Variants in TBL3 observed in about 807,000 individuals in gnomAD.
TBL3 encodes the protein transducin beta-like protein 3.
TBL3 carries 71 observed loss-of-function variants against 102.7 expected under a neutral mutation model. The observed-to-expected ratio is 0.69, with a 90% CI of 0.57 to 0.84. The LOEUF (loss-of-function observed/expected upper bound fraction) is 0.84. TBL3 is among the 40% of genes least tolerant of loss of function. TBL3 has a pLI of 0.00. For missense variants in TBL3, 1,188 were observed against 1,098.5 expected (o/e 1.08, Z -1.15); for synonymous variants, 578 against 477.7 (o/e 1.21, Z -2.74).
At chr16:1,976,158 G>C in intron 12 of TBL3, 44 bp downstream of exon 12, 1 of 1,613,848 alleles carries the variant, frequency 6.2e-7, no homozygotes, top group Non-Finnish European at 8.5e-7. Flanking sequence ...CAGGCGGGGA[G>C]GCCACGCAGT....
chr16:1,980,397 A>T lies in TBL3; in HGVS notation c.*1712A>T. On this transcript the variant is annotated 3_prime_UTR_variant, in exon 22 of 22. Transcript: ENST00000568546. Reference sequence around the variant, plus strand: ...GGGTGGCAGCGCGGGCTCCAGGTCCAGGGGTTGCGGTGCGAAGAAGCCAGT... The same window carrying T: ...GGGTGGCAGCGCGGGCTCCAGGTCCTGGGGTTGCGGTGCGAAGAAGCCAGT... 2 of 1,602,886 alleles carry T rather than the reference A, an allele frequency of 1.2e-6. No homozygotes were observed. Among genetic ancestry groups the T allele is most frequent in the Non-Finnish European group, 1.7e-6 (2 of 1,179,734 alleles).
intron 7 of TBL3, 24 bp from the exon 8 acceptor site, chr16:1,975,163 C>T: frequency 6.2e-7 from 1 of 1,613,734 alleles, no homozygotes; most frequent in Non-Finnish European, 8.5e-7. Context: ...AAGACTTGAC[C>T]TGAGGTTGCC....
rs759971058 is a variant in TBL3 at position 1,980,122 on chromosome 16, G to A, written c.*1437G>A. On this transcript the variant is annotated 3_prime_UTR_variant, in exon 22 of 22. Transcript: ENST00000568546. ...GCTCTGAGCCTCCAGACTGTGGATG[G>A]AGAGGCGGCCCGCAGCGCGAGAAAG... 1.2e-5 allele frequency: 20 copies of A among 1,608,080 alleles called. No individual in the cohort carries two copies. The highest frequency in any genetic ancestry group is 1.7e-5 in the Non-Finnish European group (20 of 1,178,910).
chr16:1,980,229 T>G lies in TBL3; in HGVS notation c.*1544T>G, dbSNP rs1446776243. 5 of 1,546,148 alleles carry G rather than the reference T, an allele frequency of 3.2e-6. No individual in the cohort carries two copies. The highest frequency in any genetic ancestry group is 1.2e-5 in the South Asian group (1 of 84,946). On this transcript the variant is annotated 3_prime_UTR_variant, in exon 22 of 22. Transcript: ENST00000568546. ...GTGAGAGGTAGGCGGATGGGGAGGGTGAAACTGGGGGCGCCACCCCGGCAA... is the reference window on the plus strand; with the variant it reads ...GTGAGAGGTAGGCGGATGGGGAGGGGGAAACTGGGGGCGCCACCCCGGCAA...
In TBL3 at chr16:1,979,800, T is replaced by G. The variant is rs1014583031; in HGVS notation, c.*1115T>G. ...GGGTTAGGCGCATACCGCTGCTCCC[T>G]AGGGACGGGCCTCCCTCCCGGCCTT... is the stretch of plus-strand genomic sequence containing the variant. On this transcript the variant is annotated 3_prime_UTR_variant, in exon 22 of 22. Transcript: ENST00000568546. 17 of 1,554,262 alleles carry G rather than the reference T, an allele frequency of 1.1e-5. No homozygotes were observed. The African/African-American group carries it at 2.3e-4, about 21-fold the overall frequency.
rs1159849725 is a variant in TBL3 at position 1,980,275 on chromosome 16, C to G, written c.*1590C>G. 1 of 1,517,128 alleles carries G rather than the reference C, an allele frequency of 6.6e-7. No individual in the cohort carries two copies. The highest frequency in any genetic ancestry group is 8.8e-7 in the Non-Finnish European group (1 of 1,131,272). The allele number at this position is 1,517,128 out of a possible 1,614,324, so 94.0% of individuals were successfully genotyped here. A position where few individuals can be genotyped will look rare whatever the true frequency, so the allele number is the denominator to read the frequency against. ...GGCAAGACCGCCAGCCTCCCACTCT[C>G]TGCCCCTATTCGCTGGCTGTTCCCC... On this transcript the variant is annotated 3_prime_UTR_variant, in exon 22 of 22. Transcript: ENST00000568546.
At position 1,979,837 on chromosome 16, in the gene TBL3, G is replaced by C. The variant is rs759145419; in HGVS notation, c.*1152G>C. On this transcript the variant is annotated 3_prime_UTR_variant, in exon 22 of 22. Transcript: ENST00000568546. ...TCCCTCCCGGCCTTGGCCCGGGGCC[G>C]CCTCCTCCAGGTAGGGCGCTGGAAA... The C allele has an allele frequency of 6.3e-7, 1 of 1,575,780 alleles. No homozygotes were observed. The highest frequency in any genetic ancestry group is 2.4e-5 in the East Asian group (1 of 42,456).
chr16:1,974,652 G>A lies in TBL3; in HGVS notation c.352G>A (p.Asp118Asn), dbSNP rs746763095. The change falls in exon 5 of 22, where the codon GAC becomes AAC. Residue 118 changes from aspartate to asparagine, a missense_variant. Transcript: ENST00000568546. ...HTAPVATMAF[D>N]PTSTLLATGG... ...GGCCCCCGTGGCCACCATGGCCTTC[G>A]ACCCCACCTCCACTCTGCTAGCCAC... The A allele has an allele frequency of 1.6e-5, 26 of 1,608,666 alleles. No homozygotes were observed. The highest frequency in any genetic ancestry group is 4.0e-5 in the African/African-American group (3 of 74,862).
chr16:1,974,742 C>T (rs2083385947), intron 5 of TBL3, 21 bp from the exon 6 acceptor site: 1 of 1,611,994 alleles, frequency 6.2e-7, no homozygotes, highest in African/African-American at 1.3e-5. Flanking sequence ...CATTCCACCC[C>T]CTCACCTTGC....
In TBL3 at chr16:1,974,049, C is replaced by T; in HGVS notation, c.42-7C>T. 1 of 1,555,506 alleles carries T rather than the reference C, an allele frequency of 6.4e-7. No homozygotes were observed. Among genetic ancestry groups the T allele is most frequent in the South Asian group, 1.2e-5 (1 of 84,370 alleles). ...TGGTGCTCATTCGCCTCCCGCTCTCCTTCCAGCTATGCTGTGGAGCGCAAA... is the reference window on the plus strand; with the variant it reads ...TGGTGCTCATTCGCCTCCCGCTCTCTTTCCAGCTATGCTGTGGAGCGCAAA... On this transcript the variant is annotated splice_region_variant and splice_polypyrimidine_tract_variant and intron_variant, in intron 1 of 21. Transcript: ENST00000568546.
rs1004237492 is a variant in TBL3 at position 1,978,338 on chromosome 16, G to A, written c.2160G>A (p.Thr720=). ...AGGCCCTGCTGCGCTTCTGCGTCAC[G>A]TGGAACACCAACTCGCGGCACTGCC... ...QKEALLRFCV[T]WNTNSRHCHE... Residue 720 remains threonine (T), a synonymous_variant, in exon 21 of 22, where the codon ACG becomes ACA. Transcript: ENST00000568546. The A allele has an allele frequency of 3.7e-6, 6 of 1,610,530 alleles. No individual in the cohort carries two copies. Among genetic ancestry groups the A allele is most frequent in the East Asian group, 2.2e-5 (1 of 44,824 alleles).
chr16:1,981,433 A>C lies in TBL3; in HGVS notation c.*2748A>C. The C allele has an allele frequency of 3.4e-6, 3 of 892,182 alleles. No homozygotes were observed. Among genetic ancestry groups the C allele is most frequent in the Non-Finnish European group, 4.9e-6 (3 of 614,298 alleles). The allele number at this position is 892,182 out of a possible 1,614,324, so 55.3% of individuals were successfully genotyped here. On this transcript the variant is annotated 3_prime_UTR_variant, in exon 22 of 22. Transcript: ENST00000568546. The stretch of plus-strand genomic sequence containing the variant: ...AGGCAGAGCTGCTGGGAGGAAGAAG[A>C]AGAATGAGCTTTCCAGCCCTGGAGG...
chr16:1,980,355 C>T lies in TBL3; in HGVS notation c.*1670C>T. On this transcript the variant is annotated 3_prime_UTR_variant, in exon 22 of 22. Transcript: ENST00000568546. ...GCCGCTGCATGCTGGGAGTTTGGGGCGAGTCAGGCACCTGCCGGGTGGCAG... is the reference window on the plus strand; with the variant it reads ...GCCGCTGCATGCTGGGAGTTTGGGGTGAGTCAGGCACCTGCCGGGTGGCAG... The T allele has an allele frequency of 1.9e-6, 3 of 1,595,624 alleles. No individual in the cohort carries two copies. Among genetic ancestry groups the T allele is most frequent in the Non-Finnish European group, 2.5e-6 (3 of 1,176,556 alleles).
Position 1,976,087 on chromosome 16 carries a change from G to C in TBL3, c.1161G>C (p.Lys387Asn), listed in dbSNP as rs761872179. Reference protein sequence around the residue: ...DIVLALDVFRKGWLFASCAKD... With the variant: ...DIVLALDVFRNGWLFASCAKD... ...TCCTGGCCCTGGATGTGTTCCGGAA[G>C]GGGTGGCTCTTTGCCAGCTGTGCCA... is the stretch of plus-strand genomic sequence containing the variant. Residue 387 changes from lysine to asparagine, a missense_variant, in exon 12 of 22, where the codon AAG (lysine) becomes AAC (asparagine). Transcript: ENST00000568546. The C allele has an allele frequency of 1.9e-6, 3 of 1,614,204 alleles. No homozygotes were observed. The highest frequency in any genetic ancestry group is 2.5e-6 in the Non-Finnish European group (3 of 1,180,052).
chr16:1,974,155 G>A (rs781236489), intron 2 of TBL3, 42 bp from the exon 3 acceptor site: 4 of 1,565,016 alleles, frequency 2.6e-6, no homozygotes, highest in Middle Eastern at 1.7e-4. Context: ...GAGGCCGCGG[G>A]GGGTGCTGAA....
At position 1,978,435 on chromosome 16, in the gene TBL3, G is replaced by A. The variant is rs748724773; in HGVS notation, c.2257G>A (p.Val753Met). ...CGAGGAGCTGCTGGCCTACGAAGGCGTGCGGGCAGCGCTTGAGGCCCTGCT... is the reference window on the plus strand; with the variant it reads ...CGAGGAGCTGCTGGCCTACGAAGGCATGCGGGCAGCGCTTGAGGCCCTGCT... Reference protein sequence around the residue: ...APEELLAYEGVRAALEALLPY... With the variant: ...APEELLAYEGMRAALEALLPY... Residue 753 changes from valine (V) to methionine (M), a missense_variant, in exon 21 of 22, where the codon GTG (valine) becomes ATG (methionine). Transcript: ENST00000568546. 5.0e-6 allele frequency: 8 copies of A among 1,609,908 alleles called. No homozygotes were observed. The highest frequency in any genetic ancestry group is 2.2e-5 in the East Asian group (1 of 44,804).
Position 1,977,336 on chromosome 16 carries a change from C to G in TBL3, c.1672-20C>G, listed in dbSNP as rs2083411318. ...CTTCCCGCCCTGGTGACATCTCATG[C>G]CCTACCCCCCACCTTGCAGACATTT... On this transcript the variant is annotated intron_variant, in intron 15 of 21. Transcript: ENST00000568546. 6.2e-7 allele frequency: 1 copy of G among 1,613,368 alleles called. No individual in the cohort carries two copies. The highest frequency in any genetic ancestry group is 8.5e-7 in the Non-Finnish European group (1 of 1,179,990).
rs771342957 is a variant in TBL3, at chr16:1,978,400, G to T, written c.2222G>T (p.Arg741Leu). 6.2e-7 allele frequency: 1 copy of T among 1,611,548 alleles called. No individual in the cohort carries two copies. The highest frequency in any genetic ancestry group is 8.5e-7 in the Non-Finnish European group (1 of 1,179,054). ...AQAVLGVLLR[R>L]EAPEELLAYE... ...GCCGTGCTGGGTGTGCTCTTGAGGC[G>T]AGAGGCCCCCGAGGAGCTGCTGGCC... is the stretch of plus-strand genomic sequence containing the variant. Residue 741 changes from arginine (R) to leucine (L), a missense_variant, in exon 21 of 22, where the codon CGA (arginine) becomes CTA (leucine). Arg to Leu is a moderately radical substitution (Grantham distance 102, BLOSUM62 -2). Coordinates refer to ENST00000568546, the MANE Select transcript of TBL3 (RefSeq NM_006453.3).
In TBL3 at chr16:1,978,055, A is replaced by C; in HGVS notation, c.2056A>C (p.Ile686Leu). The C allele has an allele frequency of 6.2e-7, 1 of 1,604,448 alleles. No homozygotes were observed. Among genetic ancestry groups the C allele is most frequent in the Non-Finnish European group, 8.5e-7 (1 of 1,174,862 alleles). ...TCGGCCCCACACCGTGCTGACTGTC[A>C]TCCAGGGTCAGTGCCCACCCCGGGG... ...LDRPHTVLTV[I>L]QAIRRDPEAC... The change falls in exon 19 of 22, where the codon ATC (isoleucine) becomes CTC (leucine). Residue 686 changes from isoleucine (I) to leucine (L), a missense_variant. By Grantham distance (5) the Ile-to-Leu change is conservative (BLOSUM62 2). Transcript: ENST00000568546.
Sources: allele counts gnomAD v4.1 joint callset, GRCh38; gene constraint gnomAD v4.1.1; transcripts MANE v1.5; gene names NCBI Gene and HGNC (gene_info 2026-07-23, HGNC 2026-07-21).